Variants in ZNF33B observed in about 807,000 individuals in gnomAD.
ZNF33B encodes the protein zinc finger protein 33B, also known as zinc finger protein 11b (KOX 2).
Under a neutral mutation model 45.8 loss-of-function variants are expected in ZNF33B, and 29 were observed. The observed-to-expected ratio is 0.63, with a 90% confidence interval of 0.47 to 0.86. The LOEUF (loss-of-function observed/expected upper bound fraction) is 0.86, where lower values mean the gene tolerates loss of function less well. Among genes scored for constraint, ZNF33B ranks in the 40% least tolerant of loss-of-function variants. The probability of loss-of-function intolerance (pLI) is 0.00; values close to 1 mark genes in which losing one functional copy is unlikely to be tolerated. For synonymous variants in ZNF33B, 305 were observed against 307.8 expected (o/e 0.99, Z 0.10); for missense variants, 831 against 909.9 (o/e 0.91, Z 1.12).
chr10:42,622,730 A>G (rs1453111685), intron 4 of ZNF33B, among the ~76,000 whole-genome samples: 1 of 152,162 alleles, frequency 6.6e-6, no homozygotes, highest in African/African-American at 2.4e-5. Flanking sequence ...ATGGTGATAG[A>G]GTTTCTGTTT....
chr10:42,637,658 TTTTG>T lies in ZNF33B; in HGVS notation c.-44-690_-44-687del, dbSNP rs370397197. 6.6e-3 allele frequency among the ~76,000 whole-genome samples: 924 copies of T among 139,952 alleles called. 9 individuals are homozygous for T. The highest frequency in any genetic ancestry group is 0.026 in the African/African-American group (780 of 30,300). The allele number at this position is 139,952 out of a possible 152,430, so 91.8% of individuals were successfully genotyped here. A position where few individuals can be genotyped will look rare whatever the true frequency, so the allele number is the denominator to read the frequency against. ...GAGGCAAAATTAGGTAATTCTGGTT[TTTTG>T]TTTGTTTGTTTGTTTTTGAGACGGA... On this transcript the variant is annotated intron_variant, in intron 1 of 4. Transcript: ENST00000359467.
intron 4 of ZNF33B, among the ~76,000 whole-genome samples, chr10:42,624,744 G>C (rs1414607601): frequency 6.6e-6 from 1 of 152,158 alleles, no homozygotes; most frequent in Non-Finnish European, 1.5e-5. Context: ...AGCATATACA[G>C]CCTGGGTATG....
rs776277130 is a variant in ZNF33B, at chr10:42,593,429, G to A, written c.1521C>T (p.Tyr507=). 31 of 1,613,886 alleles carry A rather than the reference G, an allele frequency of 1.9e-5. No individual in the cohort carries two copies. The highest frequency in any genetic ancestry group is 2.5e-5 in the Non-Finnish European group (29 of 1,180,004). ...YECNACGKTF[Y]HKSVLTRHQI... ...GATGCCTGGTGAGTACTGACTTGTGGTAGAAAGTTTTCCCACATGCATTAC... is the reference window on the plus strand; with the variant it reads ...GATGCCTGGTGAGTACTGACTTGTGATAGAAAGTTTTCCCACATGCATTAC... Residue 507 remains tyrosine, a synonymous_variant, in exon 5 of 5, where the codon TAC becomes TAT. Transcript: ENST00000359467.
chr10:42,629,729 A>C (rs964153907), intron 4 of ZNF33B, among the ~76,000 whole-genome samples: 5 of 152,158 alleles, frequency 3.3e-5, no homozygotes, highest in Admixed American at 1.3e-4. Flanking sequence ...TCTGTTTTCT[A>C]TTCATCTGTT....
In ZNF33B at chr10:42,638,553, C is replaced by T. The variant is rs1045670960; in HGVS notation, c.-124G>A. 4.2e-6 allele frequency: 2 copies of T among 477,368 alleles called. No homozygotes were observed. The highest frequency in any genetic ancestry group is 3.9e-5 in the African/African-American group (2 of 50,676). 29.6% of individuals were successfully genotyped at this position (477,368 alleles called of 1,614,324 possible). On this transcript the variant is annotated 5_prime_UTR_variant, in exon 1 of 5. Transcript: ENST00000359467. ...TCCCGGGACCGCCTCCCACGCAAAA[C>T]GTGAGACAAACAAAAGGAAAGGCGG...
chr10:42,585,210 C>CA (rs1437346827), downstream of ZNF33B, among the ~76,000 whole-genome samples: 2 of 152,196 alleles, frequency 1.3e-5, no homozygotes, highest in Admixed American at 1.3e-4. Context: ...TTCTAAGCTC[C>CA]ACACTGTCCT....
At chr10:42,629,524 C>T (rs1382521740) in intron 4 of ZNF33B, among the ~76,000 whole-genome samples, 2 of 152,166 alleles carry the variant, frequency 1.3e-5, no homozygotes, top group African/African-American at 2.4e-5. Context: ...GTGATTATTA[C>T]ACGTTGTGTG....
intron 4 of ZNF33B, among the ~76,000 whole-genome samples, chr10:42,606,150 A>C (rs1379051383): frequency 6.6e-6 from 1 of 151,928 alleles, no homozygotes; most frequent in Non-Finnish European, 1.5e-5. Context: ...AGCAAAAAAA[A>C]AAAAAGAATA....
intron 2 of ZNF33B, 127 bp from the exon 3 acceptor site, chr10:42,632,566 T>G: frequency 2.3e-6 from 3 of 1,301,082 alleles, no homozygotes; most frequent in Non-Finnish European, 3.1e-6. Context: ...ACAGAAATAT[T>G]CTGCCATTAA....
intron 4 of ZNF33B, among the ~76,000 whole-genome samples, chr10:42,627,599 TA>T (rs1035202081): frequency 3.3e-5 from 5 of 152,298 alleles, no homozygotes; most frequent in African/African-American, 9.6e-5. Flanking sequence ...GCTAGTTTCT[TA>T]AGGTAGAAAG....
At chr10:42,634,002 A>T (rs534714427) in intron 2 of ZNF33B, among the ~76,000 whole-genome samples, 15 of 151,800 alleles carry the variant, frequency 9.9e-5, no homozygotes, top group South Asian at 6.2e-4. Context: ...TAATATGAAG[A>T]TCAAGAATGA....
chr10:42,609,243 C>T (rs1421841620), intron 4 of ZNF33B, among the ~76,000 whole-genome samples: 1 of 152,124 alleles, frequency 6.6e-6, no homozygotes, highest in South Asian at 2.1e-4. Flanking sequence ...TGGTGAAACC[C>T]CCTCTCTATA....
chr10:42,597,697 T>C (rs1837459767), intron 4 of ZNF33B, among the ~76,000 whole-genome samples: 1 of 152,166 alleles, frequency 6.6e-6, no homozygotes, highest in African/African-American at 2.4e-5. Flanking sequence ...CAATATGGGC[T>C]AAATTTCTGA....
intron 4 of ZNF33B, among the ~76,000 whole-genome samples, chr10:42,601,048 T>C (rs1837597349): frequency 6.6e-6 from 1 of 152,198 alleles, no homozygotes; most frequent in Non-Finnish European, 1.5e-5. Flanking sequence ...CTGTTTCTTA[T>C]AGCTATTTTT....
chr10:42,625,246 T>C (rs1157461521), intron 4 of ZNF33B, among the ~76,000 whole-genome samples: 1 of 152,128 alleles, frequency 6.6e-6, no homozygotes, highest in Non-Finnish European at 1.5e-5. Flanking sequence ...CAGTGTTCTT[T>C]TATTTCTTTC....
rs114437541 is a variant in ZNF33B, at chr10:42,579,482, C to T, written c.74-4804G>A. Among the ~76,000 whole-genome samples the T allele has an allele frequency of 9.1e-3, 1,388 of 152,270 alleles. 13 individuals carry two copies. Among genetic ancestry groups the T allele is most frequent in the Middle Eastern group, 0.027 (8 of 294 alleles). On this transcript the variant is annotated intron_variant, in intron 1 of 1. Transcript: ENST00000462075. ...GTAATGTTATGAATGGCATGAGATT[C>T]GGTTTTTGGTGTGGATCTCTGGATG...
intron 4 of ZNF33B, among the ~76,000 whole-genome samples, chr10:42,598,667 T>C (rs1168506087): frequency 1.3e-5 from 2 of 152,226 alleles, no homozygotes; most frequent in Admixed American, 1.3e-4. Context: ...ACAGGTCACC[T>C]AGCCATGAAG....
chr10:42,635,496 G>A (rs111703724), intron 2 of ZNF33B, among the ~76,000 whole-genome samples: 6,135 of 152,112 alleles, frequency 0.04, 178 homozygotes, highest in Non-Finnish European at 0.057. Flanking sequence ...AAAATGTAGG[G>A]GTTTTTCCAT....
chr10:42,619,158 C>CTT (rs1192597213), intron 4 of ZNF33B, among the ~76,000 whole-genome samples: 2 of 151,928 alleles, frequency 1.3e-5, no homozygotes, highest in South Asian at 2.1e-4. Flanking sequence ...AAAAACCAAC[C>CTT]TTGTTAGAAC....
Sources: gnomAD v4.1 joint callset for allele counts (sites outside exome capture counted in the v4.1 genomes callset) on GRCh38, gnomAD v4.1.1 for gene constraint, MANE v1.5 for transcripts, NCBI Gene and HGNC (gene_info 2026-07-23, HGNC 2026-07-21) for gene names.